Variants in ARHGAP27 observed in about 807,000 individuals in gnomAD.
ARHGAP27 encodes rho GTPase-activating protein 27.
In ARHGAP27, 53 loss-of-function variants were observed where a neutral mutation model predicts 102.0. The observed-to-expected ratio is 0.52, with a 90% confidence interval of 0.42 to 0.65. The LOEUF (loss-of-function observed/expected upper bound fraction) is 0.65, where lower values mean the gene tolerates loss of function less well. Among genes scored for constraint, ARHGAP27 ranks in the 30% least tolerant of loss-of-function variants. The probability of loss-of-function intolerance (pLI) is 0.00; values close to 1 mark genes in which losing one functional copy is unlikely to be tolerated. For missense variants in ARHGAP27, 1,117 were observed against 1,256.2 expected (o/e 0.89, Z 1.68); for synonymous variants, 525 against 542.8 (o/e 0.97, Z 0.46).
At chr17:45,420,037 G>A (rs1474386405) in intron 4 of ARHGAP27, among the ~76,000 whole-genome samples, 1 of 152,138 alleles carries the variant, frequency 6.6e-6, no homozygotes, top group Admixed American at 6.5e-5. Flanking sequence ...TATGCCTCAT[G>A]GGACATACTC....
At chr17:45,426,035 C>T (rs1026122735) in intron 4 of ARHGAP27, among the ~76,000 whole-genome samples, 33 of 152,120 alleles carry the variant, frequency 2.2e-4, no homozygotes, top group African/African-American at 6.8e-4. Context: ...GCACGCAGGA[C>T]GCTCAGAAGA....
At chr17:45,412,962 CTTTTTTTTTTTTTTTTTTTTTTT>C (rs36233058) in intron 4 of ARHGAP27, among the ~76,000 whole-genome samples, 16 of 41,118 alleles carry the variant, frequency 3.9e-4, no homozygotes, top group African/African-American at 1.1e-3. Context: ...TCAGTATAAT[CTTTTTTTTTTTTTTTTTTTTTTT>C]TTTTTTTTTT....
rs2049878031 is a variant in ARHGAP27, at chr17:45,429,401, G to C, written c.657+222C>G. ...CAATTGGATTACGAAAAGCCTCTGG[G>C]CTTCCAGGGAGCTTTGGAGCTTGGG... On this transcript the variant is annotated intron_variant, in intron 4 of 19. Coordinates refer to ENST00000685559, the MANE Select transcript of ARHGAP27 (RefSeq NM_001282290.2). 3 of 1,368,432 alleles carry C rather than the reference G, an allele frequency of 2.2e-6. No individual in the cohort carries two copies. In the African/African-American group the frequency reaches 4.6e-5, roughly 21 times the overall value. 84.8% of individuals were successfully genotyped at this position (1,368,432 alleles called of 1,614,324 possible).
intron 4 of ARHGAP27, chr17:45,429,394 C>G: frequency 7.3e-7 from 1 of 1,363,024 alleles, no homozygotes; most frequent in Non-Finnish European, 9.4e-7. Flanking sequence ...TTACGAAAAG[C>G]CTCTGGGCTT....
rs2144077250 is a variant in ARHGAP27 at position 45,394,773 on chromosome 17, G to C, written c.*683C>G. Reference sequence around the variant, plus strand: ...TGGAACTGGTGCATGCCGAGCGGCAGATGCAAGGTGTGCACTTGGTGAATG... The same window carrying C: ...TGGAACTGGTGCATGCCGAGCGGCACATGCAAGGTGTGCACTTGGTGAATG... On this transcript the variant is annotated 3_prime_UTR_variant, in exon 20 of 20. Transcript: ENST00000685559. 3 of 152,420 alleles carry C rather than the reference G, an allele frequency of 2.0e-5. No individual in the cohort carries two copies. In the East Asian group the frequency reaches 5.8e-4, roughly 29 times the overall value. The allele number at this position is 152,420 out of a possible 1,614,324, so 9.4% of individuals were successfully genotyped here. A position where few individuals can be genotyped will look rare whatever the true frequency, so the allele number is the denominator to read the frequency against.
At chr17:45,414,320 C>G (rs1292296014) in intron 4 of ARHGAP27, among the ~76,000 whole-genome samples, 1 of 152,174 alleles carries the variant, frequency 6.6e-6, no homozygotes, top group East Asian at 1.9e-4. Context: ...TCAGCCCGGT[C>G]CTGAAGGACC....
At chr17:45,421,616 C>T (rs1231919124) in intron 4 of ARHGAP27, among the ~76,000 whole-genome samples, 2 of 152,064 alleles carry the variant, frequency 1.3e-5, no homozygotes, top group African/African-American at 2.4e-5. Flanking sequence ...GAATCCCCAT[C>T]GAGGCATGTG....
In ARHGAP27 at chr17:45,405,020, G is replaced by A. The variant is rs758713804; in HGVS notation, c.1152C>T (p.Pro384=). Residue 384 remains proline (P), a synonymous_variant, in exon 6 of 20, where the codon CCC becomes CCT. Transcript: ENST00000685559. The part of the protein sequence containing the change: ...DYSPVGSFGE[P]GPTSPLTTPP... ...GTGTGGTCAAGGGAGAGGTAGGGCCGGGCTCACCGAAAGAGCCCACGGGAG... is the reference window on the plus strand; with the variant it reads ...GTGTGGTCAAGGGAGAGGTAGGGCCAGGCTCACCGAAAGAGCCCACGGGAG... The A allele has an allele frequency of 6.2e-6, 10 of 1,613,798 alleles. No individual in the cohort carries two copies. The highest frequency in any genetic ancestry group is 2.7e-5 in the African/African-American group (2 of 74,910).
At chr17:45,402,244 C>T (rs28432011) in intron 12 of ARHGAP27, among the ~76,000 whole-genome samples, 2,255 of 152,204 alleles carry the variant, frequency 0.015, 46 homozygotes, top group African/African-American at 0.051. Context: ...GGACAGGGAG[C>T]CTCCTGTCTC....
At chr17:45,421,244 C>T (rs1251243815) in intron 4 of ARHGAP27, among the ~76,000 whole-genome samples, 2 of 149,654 alleles carry the variant, frequency 1.3e-5, no homozygotes. Context: ...TTTGGGAGGC[C>T]AAGGCAGGCA....
intron 5 of ARHGAP27, 136 bp from the exon 6 acceptor site, chr17:45,405,242 T>C (rs1040919220): frequency 6.1e-5 from 59 of 970,910 alleles, no homozygotes; most frequent in Non-Finnish European, 8.4e-5. Flanking sequence ...TCAGAAGCGC[T>C]CAGAGGTAGC....
chr17:45,429,564 GT>G, intron 4 of ARHGAP27, 58 bp downstream of exon 4: 1 of 1,573,212 alleles, frequency 6.4e-7, no homozygotes, highest in South Asian at 1.1e-5. Flanking sequence ...CCCCGGCTCC[GT>G]GCGGGCGCGG....
chr17:45,402,428 C>T (rs992002991), intron 12 of ARHGAP27, among the ~76,000 whole-genome samples: 27 of 152,166 alleles, frequency 1.8e-4, no homozygotes, highest in African/African-American at 4.6e-4. Flanking sequence ...GGGGGTGCAG[C>T]GTTGGCCTTG....
rs1326339124 is a variant in ARHGAP27 at position 45,429,743 on chromosome 17, C to T, written c.537G>A (p.Lys179=). The T allele has an allele frequency of 4.5e-6, 7 of 1,538,542 alleles. No homozygotes were observed. The South Asian group carries it at 6.0e-5, about 13-fold the overall frequency. The change falls in exon 4 of 20, where the codon AAG becomes AAA. Residue 179 remains lysine (K), a synonymous_variant. Transcript: ENST00000685559. ...CCCAGGAGCCCGCCACGCTGCAGGC[C>T]TTGAAGCTGCCGCTGCTTCCTAGGA... The part of the protein sequence containing the change: ...AGLLGSSGSF[K]ACSVAGSWVC...
intron 4 of ARHGAP27, among the ~76,000 whole-genome samples, chr17:45,428,707 C>T (rs975300208): frequency 2.6e-5 from 4 of 152,164 alleles, no homozygotes; most frequent in Non-Finnish European, 5.9e-5. Context: ...CAACCCCTCC[C>T]TTTGGGCTAA....
At chr17:45,396,419 C>A (rs1402114969) in intron 16 of ARHGAP27, 68 bp downstream of exon 16, 1 of 1,472,080 alleles carries the variant, frequency 6.8e-7, no homozygotes, top group Non-Finnish European at 9.0e-7. Flanking sequence ...GGTCTCCAGC[C>A]TGCGGTCCTG....
chr17:45,396,644 C>G (rs1172899563), intron 15 of ARHGAP27, 24 bp downstream of exon 15: 1 of 1,612,908 alleles, frequency 6.2e-7, no homozygotes, highest in Non-Finnish European at 8.5e-7. Flanking sequence ...TCCCGGGTCC[C>G]CGCCCCCCGC....
At position 45,396,188 on chromosome 17, in the gene ARHGAP27, G is replaced by A. The variant is rs2045633637; in HGVS notation, c.2251+19C>T. 2 of 1,599,906 alleles carry A rather than the reference G, an allele frequency of 1.3e-6. No homozygotes were observed. Among genetic ancestry groups the A allele is most frequent in the Non-Finnish European group, 1.7e-6 (2 of 1,172,262 alleles). On this transcript the variant is annotated intron_variant, in intron 17 of 19. Coordinates refer to ENST00000685559, the MANE Select transcript of ARHGAP27 (RefSeq NM_001282290.2). ...TTGCGCCTTCAGGCCCTGGGGCAGGGGTTGGGGACGGGCCTCACCGTGGTC... is the reference window on the plus strand; with the variant it reads ...TTGCGCCTTCAGGCCCTGGGGCAGGAGTTGGGGACGGGCCTCACCGTGGTC...
intron 12 of ARHGAP27, among the ~76,000 whole-genome samples, chr17:45,401,419 G>A (rs1188953985): frequency 6.6e-6 from 1 of 152,208 alleles, no homozygotes; most frequent in Non-Finnish European, 1.5e-5. Context: ...CTCATGAGAT[G>A]AAACCAGTTT....
Sources: gnomAD v4.1 joint callset for allele counts (sites outside exome capture counted in the v4.1 genomes callset) on GRCh38, gnomAD v4.1.1 for gene constraint, MANE v1.5 for transcripts, NCBI Gene and HGNC (gene_info 2026-07-23, HGNC 2026-07-21) for gene names.